Variants in SLC37A1 observed in about 807,000 individuals in gnomAD.
SLC37A1 encodes solute carrier family 37 member 1.
A neutral mutation model predicts 75.3 loss-of-function variants in SLC37A1; 49 were observed. That is an observed-to-expected ratio of 0.65 (90% confidence interval 0.52 to 0.83). The LOEUF is 0.83. SLC37A1 is among the 40% of genes least tolerant of loss of function. The pLI is 0.00. For missense variants in SLC37A1, 566 were observed against 695.0 expected (o/e 0.81, Z 2.09); for synonymous variants, 268 against 292.1 (o/e 0.92, Z 0.84).
chr21:42,515,835 T>C lies in SLC37A1; in HGVS notation c.-179+1118T>C, dbSNP rs2054512209. 2.0e-5 allele frequency among the ~76,000 whole-genome samples: 3 copies of C among 152,220 alleles called. 1 individual carries two copies. In the South Asian group the frequency reaches 6.2e-4, roughly 32 times the overall value. On this transcript the variant is annotated intron_variant, in intron 1 of 19. Transcript: ENST00000352133. ...GTGTAGTGGTGCAATCTCAGCTCAC[T>C]GCAACCTCCGCTTCCCAGGTTCAAG...
chr21:42,540,430 G>T (rs2055248564), intron 6 of SLC37A1, among the ~76,000 whole-genome samples: 1 of 152,186 alleles, frequency 6.6e-6, no homozygotes, highest in Non-Finnish European at 1.5e-5. Flanking sequence ...GGAAAAAGGG[G>T]GAGACCTGAG....
Position 42,543,292 on chromosome 21 carries a change from G to A in SLC37A1, c.564-144G>A, listed in dbSNP as rs888544165. The A allele has an allele frequency of 2.9e-5, 27 of 929,676 alleles. No individual in the cohort carries two copies. The African/African-American group carries it at 3.1e-4, about 11-fold the overall frequency. 57.6% of individuals were successfully genotyped at this position (929,676 alleles called of 1,614,324 possible). A position where few individuals can be genotyped will look rare whatever the true frequency, so the allele number is the denominator to read the frequency against. On this transcript the variant is annotated intron_variant, in intron 7 of 19. Transcript: ENST00000352133. Reference sequence around the variant, plus strand: ...AGCTCTCGTGAGCATCGCGAGTCCTGCATGGCACAGAAGCAGGGTCTGCAT... The same window carrying A: ...AGCTCTCGTGAGCATCGCGAGTCCTACATGGCACAGAAGCAGGGTCTGCAT...
intron 3 of SLC37A1, among the ~76,000 whole-genome samples, chr21:42,529,486 G>T (rs1471293730): frequency 6.6e-6 from 1 of 151,998 alleles, no homozygotes; most frequent in Admixed American, 6.6e-5. Context: ...CCTGGGAGGC[G>T]AATGTTGCAG....
intron 18 of SLC37A1, among the ~76,000 whole-genome samples, chr21:42,576,860 AAAAG>A (rs2056320077): frequency 1.3e-5 from 2 of 152,206 alleles, no homozygotes; most frequent in South Asian, 2.1e-4. Flanking sequence ...ATTCAGCACA[AAAAG>A]AGAGATGGAA....
chr21:42,527,487 G>C (rs1049020491), intron 3 of SLC37A1, among the ~76,000 whole-genome samples: 1 of 152,174 alleles, frequency 6.6e-6, no homozygotes, highest in African/African-American at 2.4e-5. Context: ...TCTTAGTTCA[G>C]TGTCATAAGT....
chr21:42,547,513 C>T lies in SLC37A1; in HGVS notation c.768+373C>T, dbSNP rs981644339. 11 of 230,086 alleles carry T rather than the reference C, an allele frequency of 4.8e-5. No individual in the cohort carries two copies. The highest frequency in any genetic ancestry group is 1.1e-4 in the Admixed American group (2 of 18,992). 14.3% of individuals were successfully genotyped at this position (230,086 alleles called of 1,614,324 possible). A position where few individuals can be genotyped will look rare whatever the true frequency, so the allele number is the denominator to read the frequency against. On this transcript the variant is annotated intron_variant, in intron 9 of 19. Transcript: ENST00000352133. The surrounding 1 kb of genome is among the most constrained non-coding windows in gnomAD (Gnocchi z 6.1). ...GCCATCACTTAAGTTGGTGGCTGCA[C>T]GTCTCAGGTGGCCGAGAGGTCTGCC...
chr21:42,554,237 ATG>A, intron 10 of SLC37A1, 95 bp downstream of exon 10: 1 of 1,044,170 alleles, frequency 9.6e-7, no homozygotes, highest in Non-Finnish European at 1.4e-6. Flanking sequence ...CCTATGTGAC[ATG>A]TGTCACAAAC....
intron 14 of SLC37A1, 60 bp from the exon 15 acceptor site, chr21:42,565,767 A>G: frequency 6.7e-7 from 1 of 1,486,382 alleles, no homozygotes; most frequent in Non-Finnish European, 9.3e-7. Context: ...GTAGATTTCC[A>G]GCAATCTCGC....
chr21:42,529,712 C>G (rs1168466325), intron 3 of SLC37A1, among the ~76,000 whole-genome samples: 2 of 152,178 alleles, frequency 1.3e-5, no homozygotes, highest in Non-Finnish European at 2.9e-5. Context: ...TTTACAGACA[C>G]GGAATTCAGA....
intron 8 of SLC37A1, among the ~76,000 whole-genome samples, chr21:42,546,139 G>A (rs905677293): frequency 2.0e-5 from 3 of 152,190 alleles, no homozygotes; most frequent in African/African-American, 7.2e-5. Flanking sequence ...AAGGTGCTTG[G>A]TAGTCAGAGG....
intron 1 of SLC37A1, among the ~76,000 whole-genome samples, chr21:42,517,963 G>A (rs1338244660): frequency 6.6e-6 from 1 of 152,174 alleles, no homozygotes; most frequent in Non-Finnish European, 1.5e-5. Context: ...CACATACTTG[G>A]TTTTGTGAAT....
intron 3 of SLC37A1, among the ~76,000 whole-genome samples, chr21:42,532,121 A>T (rs1267390987): frequency 1.3e-5 from 2 of 152,226 alleles, no homozygotes. Flanking sequence ...ACAGAGAGGC[A>T]CCAAGATCCC....
chr21:42,562,062 C>T lies in SLC37A1; in HGVS notation c.982-16C>T, dbSNP rs762563060. ...CTCCACATTTGGAGGAGACGCCTGACTGCTCTCTCTTTCAGGGCGTGATAG... is the reference window on the plus strand; with the variant it reads ...CTCCACATTTGGAGGAGACGCCTGATTGCTCTCTCTTTCAGGGCGTGATAG... On this transcript the variant is annotated splice_polypyrimidine_tract_variant and intron_variant, in intron 11 of 19. Coordinates refer to ENST00000352133, the MANE Select transcript of SLC37A1 (RefSeq NM_001320537.2). 1 of 1,609,490 alleles carries T rather than the reference C, an allele frequency of 6.2e-7. No homozygotes were observed. The highest frequency in any genetic ancestry group is 1.3e-5 in the African/African-American group (1 of 74,952).
chr21:42,580,007 G>C (rs1459620396), intron 19 of SLC37A1, among the ~76,000 whole-genome samples: 2 of 152,174 alleles, frequency 1.3e-5, no homozygotes, highest in East Asian at 3.9e-4. Context: ...ACCCTGAGTG[G>C]AAAATGTGAG....
Position 42,544,859 on chromosome 21 carries a change from G to A in SLC37A1, c.730+1257G>A, listed in dbSNP as rs573525964. 7.9e-5 allele frequency among the ~76,000 whole-genome samples: 12 copies of A among 152,324 alleles called. No homozygotes were observed. The South Asian group carries it at 1.0e-3, about 13-fold the overall frequency. ...CAAGTGTTTGAGACACCAGCCACCC[G>A]GAGAACAATGTGCCTCTCTTTGTTA... On this transcript the variant is annotated intron_variant, in intron 8 of 19. Coordinates refer to ENST00000352133, the MANE Select transcript of SLC37A1 (RefSeq NM_001320537.2).
chr21:42,544,687 G>A (rs181698498), intron 8 of SLC37A1, among the ~76,000 whole-genome samples: 1 of 152,314 alleles, frequency 6.6e-6, no homozygotes, highest in African/African-American at 2.4e-5. Flanking sequence ...TCCTGGGATG[G>A]GTGGGGGTCT....
chr21:42,509,222 G>T (rs150139594), upstream of SLC37A1: 3 of 152,236 alleles, frequency 2.0e-5, no homozygotes, highest in African/African-American at 7.2e-5. The surrounding 1 kb of genome is among the most constrained non-coding windows in gnomAD (Gnocchi z 4.2). Context: ...AGTAAACTAT[G>T]ATTTTTATGT....
chr21:42,567,949 T>A (rs1394122364), intron 16 of SLC37A1, among the ~76,000 whole-genome samples: 1 of 152,114 alleles, frequency 6.6e-6, no homozygotes, highest in Non-Finnish European at 1.5e-5. Context: ...CTGACAGGGG[T>A]CCCAGGAAGG....
chr21:42,522,204 A>AT (rs1312233367), intron 2 of SLC37A1, among the ~76,000 whole-genome samples: 2 of 152,228 alleles, frequency 1.3e-5, no homozygotes, highest in African/African-American at 2.4e-5. Context: ...CTATTTCCAA[A>AT]TAAGGTCACG....
Sources: allele counts gnomAD v4.1 joint callset (sites outside exome capture counted in the v4.1 genomes callset), GRCh38; gene constraint gnomAD v4.1.1; non-coding constraint Gnocchi (gnomAD v3.1); transcripts MANE v1.5; gene names NCBI Gene and HGNC (gene_info 2026-07-23, HGNC 2026-07-21).